Variants in FGF13 observed in about 807,000 individuals in gnomAD.
The protein encoded by FGF13 is fibroblast growth factor homologous factor 2.
In FGF13, 2 loss-of-function variants were observed where a neutral mutation model predicts 19.5. The observed-to-expected ratio is 0.10, with a 90% CI of 0.04 to 0.32. The LOEUF (loss-of-function observed/expected upper bound fraction) is 0.32, where lower values mean the gene tolerates loss of function less well. FGF13 is among the 10% of genes least tolerant of loss of function. The probability of loss-of-function intolerance (pLI) is 1.00; values close to 1 mark genes in which losing one functional copy is unlikely to be tolerated. For missense variants in FGF13, 113 were observed against 192.7 expected (o/e 0.59, Z 2.45); for synonymous variants, 72 against 76.9 (o/e 0.94, Z 0.33).
intron 1 of FGF13, among the ~76,000 whole-genome samples, chrX:139,059,659 A>G (rs764930533): frequency 1.8e-5 from 2 of 111,985 alleles, no homozygotes; most frequent in South Asian, 7.4e-4. Flanking sequence ...ATGGAACATA[A>G]TGTTTTCTAA....
intron 3 of FGF13, among the ~76,000 whole-genome samples, chrX:138,682,480 G>A (rs1411002919): frequency 8.9e-6 from 1 of 112,148 alleles, no homozygotes; most frequent in African/African-American, 3.2e-5. Context: ...GTGCGTGTGC[G>A]CACCTTTGTT....
At chrX:139,195,204 A>C (rs907266601) in intron 1 of FGF13, among the ~76,000 whole-genome samples, 3 of 111,553 alleles carry the variant, frequency 2.7e-5, no homozygotes, top group African/African-American at 9.8e-5. Flanking sequence ...CGAAAAACAA[A>C]TGTTCCCCGG....
intron 1 of FGF13, among the ~76,000 whole-genome samples, chrX:139,053,473 G>A (rs1050820777): frequency 3.7e-5 from 4 of 107,877 alleles, no homozygotes; most frequent in South Asian, 4.2e-4. Context: ...GTATTGCATC[G>A]TGGTTTTGAT....
upstream of FGF13, chrX:139,203,964 G>C: frequency 2.1e-6 from 2 of 954,421 alleles, no homozygotes; most frequent in South Asian, 4.0e-5. Context: ...TAGGCTCCGG[G>C]AAGGAGGCAA....
intron 3 of FGF13, among the ~76,000 whole-genome samples, chrX:138,690,047 G>A (rs2089823412): frequency 9.0e-6 from 1 of 111,393 alleles, no homozygotes; most frequent in Non-Finnish European, 1.9e-5. Flanking sequence ...TTCCCTTACT[G>A]GTAAAGATAT....
chrX:139,145,529 C>T (rs180773057), intron 1 of FGF13, among the ~76,000 whole-genome samples: 63 of 109,775 alleles, frequency 5.7e-4, no homozygotes, highest in African/African-American at 2.0e-3. Flanking sequence ...CCCTTTCTTC[C>T]CCCTCTGCCT....
At chrX:139,160,051 C>T (rs1211554186) in intron 1 of FGF13, among the ~76,000 whole-genome samples, 1 of 111,831 alleles carries the variant, frequency 8.9e-6, no homozygotes, top group Non-Finnish European at 1.9e-5. Context: ...TTCTTAGCAC[C>T]ACATCACACT....
At chrX:139,174,494 TGGTATTGCCTA>T (rs1285938334) in intron 1 of FGF13, among the ~76,000 whole-genome samples, 4 of 112,403 alleles carry the variant, frequency 3.6e-5, no homozygotes, top group African/African-American at 6.5e-5. Context: ...ATGTCCTGAA[TGGTATTGCCTA>T]GGTTTTCTTC....
Position 138,615,050 on chromosome X carries a change from A to G in FGF13, c.*17800T>C, listed in dbSNP as rs765447978. On this transcript the variant is annotated 3_prime_UTR_variant, in exon 5 of 5. Coordinates refer to ENST00000315930, the MANE Select transcript of FGF13 (RefSeq NM_004114.5). ...ATGGGTGAAAAAGGATGACAGGGAG[A>G]TGTTTATAAAGGAATAGCACAAGGG... The G allele has an allele frequency of 8.9e-6, 1 of 111,983 alleles. No individual in the cohort carries two copies. Among genetic ancestry groups the G allele is most frequent in the South Asian group, 3.8e-4 (1 of 2,664 alleles). The allele number at this position is 111,983 out of a possible 1,213,427, so 9.2% of individuals were successfully genotyped here. A position where few individuals can be genotyped will look rare whatever the true frequency, so the allele number is the denominator to read the frequency against.
chrX:138,860,629 C>G (rs1341324729), intron 2 of FGF13, among the ~76,000 whole-genome samples: 1 of 112,025 alleles, frequency 8.9e-6, no homozygotes, highest in African/African-American at 3.2e-5. Flanking sequence ...TAGATTTATC[C>G]AGTCTTGGAG....
intron 1 of FGF13, among the ~76,000 whole-genome samples, chrX:139,106,002 G>A (rs2083557223): frequency 8.9e-6 from 1 of 112,124 alleles, no homozygotes; most frequent in Non-Finnish European, 1.9e-5. Flanking sequence ...ACAGATTGTG[G>A]AGAGGCATTT....
intron 3 of FGF13, among the ~76,000 whole-genome samples, chrX:138,670,428 A>C (rs1302257495): frequency 8.9e-6 from 1 of 112,263 alleles, no homozygotes; most frequent in Non-Finnish European, 1.9e-5. Flanking sequence ...CAACAAAGAA[A>C]AAAATGCATC....
At chrX:138,957,735 C>G (rs2091848129) in intron 1 of FGF13, among the ~76,000 whole-genome samples, 2 of 111,596 alleles carry the variant, frequency 1.8e-5, no homozygotes, top group African/African-American at 6.5e-5. Context: ...TCCTTCACAT[C>G]CCTTGTAAAT....
intron 1 of FGF13, among the ~76,000 whole-genome samples, chrX:138,977,953 G>A (rs1000559835): frequency 8.9e-6 from 1 of 111,757 alleles, no homozygotes; most frequent in Non-Finnish European, 1.9e-5. Flanking sequence ...TATCAAATAC[G>A]ATGAAAAACT....
chrX:139,000,881 A>G (rs997957460), intron 1 of FGF13, among the ~76,000 whole-genome samples: 3 of 111,947 alleles, frequency 2.7e-5, no homozygotes, highest in East Asian at 2.8e-4. Context: ...AGCCAAGACA[A>G]TCCTAAGCCA....
chrX:138,971,776 G>C (rs757884141), intron 1 of FGF13, among the ~76,000 whole-genome samples: 1 of 111,021 alleles, frequency 9.0e-6, no homozygotes, highest in Non-Finnish European at 1.9e-5. Flanking sequence ...TGTTCACTGA[G>C]CACTCTGCTG....
At chrX:139,047,411 T>A (rs896624311) in intron 1 of FGF13, among the ~76,000 whole-genome samples, 3 of 111,556 alleles carry the variant, frequency 2.7e-5, no homozygotes, top group Non-Finnish European at 3.8e-5. Flanking sequence ...TTCTTTTTTT[T>A]ATTATACTTT....
chrX:139,067,040 A>G (rs924700842), intron 1 of FGF13, among the ~76,000 whole-genome samples: 3 of 111,927 alleles, frequency 2.7e-5, no homozygotes, highest in African/African-American at 9.8e-5. Context: ...CCACACAATT[A>G]TCTCAATAGA....
At position 138,625,769 on chromosome X, in the gene FGF13, A is replaced by AT. The variant is rs1225996907; in HGVS notation, c.*7080dup. ...TGGAGCTGTAAAAAAAATTATTTTAATTTTTCACCTTTATATACCATTTCG... is the reference window on the plus strand; with the variant it reads ...TGGAGCTGTAAAAAAAATTATTTTAATTTTTTCACCTTTATATACCATTTCG... On this transcript the variant is annotated 3_prime_UTR_variant, in exon 5 of 5. Transcript: ENST00000315930. The AT allele has an allele frequency of 5.5e-5, 6 of 109,071 alleles. No individual in the cohort carries two copies. Among genetic ancestry groups the AT allele is most frequent in the African/African-American group, 2.0e-4 (6 of 29,993 alleles). 9.0% of individuals were successfully genotyped at this position (109,071 alleles called of 1,213,427 possible). A position where few individuals can be genotyped will look rare whatever the true frequency, so the allele number is the denominator to read the frequency against.
Sources: allele counts gnomAD v4.1 joint callset (sites outside exome capture counted in the v4.1 genomes callset), GRCh38; gene constraint gnomAD v4.1.1; transcripts MANE v1.5; gene names NCBI Gene and HGNC (gene_info 2026-07-23, HGNC 2026-07-21).